The following SLC8A1 variants were observed in gnomAD, a reference collection of about 807,000 sequenced individuals.
The protein encoded by SLC8A1 is solute carrier family 8 member A1.
In SLC8A1, 18 loss-of-function variants were observed where a neutral mutation model predicts 68.3. The observed-to-expected ratio is 0.26, with a 90% CI of 0.18 to 0.39. The LOEUF (loss-of-function observed/expected upper bound fraction) is 0.39. Among genes scored for constraint, SLC8A1 ranks in the 10% least tolerant of loss-of-function variants. SLC8A1 has a pLI of 1.00. For synonymous variants in SLC8A1, 475 were observed against 415.5 expected (o/e 1.14, Z -1.74); for missense variants, 985 against 1,156.7 (o/e 0.85, Z 2.15).
At chr2:40,189,003 CAA>C (rs1407958326) in intron 2 of SLC8A1, among the ~76,000 whole-genome samples, 4 of 151,986 alleles carry the variant, frequency 2.6e-5, no homozygotes, top group African/African-American at 9.7e-5. Context: ...GATTAGGAGA[CAA>C]GAGAATAGGA....
chr2:40,146,484 A>C (rs2042482877), intron 6 of SLC8A1, among the ~76,000 whole-genome samples: 1 of 152,144 alleles, frequency 6.6e-6, no homozygotes, highest in South Asian at 2.1e-4. Context: ...GTTTTCTGGA[A>C]GACAATTTTG....
intron 2 of SLC8A1, among the ~76,000 whole-genome samples, chr2:40,403,127 T>A (rs1439485548): frequency 6.6e-6 from 1 of 152,210 alleles, no homozygotes; most frequent in Non-Finnish European, 1.5e-5. Flanking sequence ...TTAGATTAAA[T>A]TGGTATTTAA....
chr2:40,409,541 A>G (rs1026398138), intron 2 of SLC8A1, among the ~76,000 whole-genome samples: 5 of 152,194 alleles, frequency 3.3e-5, no homozygotes, highest in South Asian at 2.1e-4. Flanking sequence ...TATCAAGAGC[A>G]GGTATGCAGT....
intron 2 of SLC8A1, among the ~76,000 whole-genome samples, chr2:40,320,482 C>G (rs758457697): frequency 6.6e-6 from 1 of 152,026 alleles, no homozygotes; most frequent in South Asian, 2.1e-4. Context: ...TAACCCTAAA[C>G]AAATAAATGT....
chr2:40,497,415 A>G (rs1705780216), intron 1 of SLC8A1, among the ~76,000 whole-genome samples: 1 of 152,048 alleles, frequency 6.6e-6, no homozygotes, highest in South Asian at 2.1e-4. Flanking sequence ...ATGAGGAGAT[A>G]GAAAAATACA....
At chr2:40,316,625 C>T (rs1195768203) in intron 2 of SLC8A1, among the ~76,000 whole-genome samples, 2 of 151,972 alleles carry the variant, frequency 1.3e-5, no homozygotes, top group African/African-American at 2.4e-5. Context: ...GTCTACTGCC[C>T]TCCTGCAGAT....
At chr2:40,141,182 G>A (rs563809156) in intron 6 of SLC8A1, among the ~76,000 whole-genome samples, 5 of 152,262 alleles carry the variant, frequency 3.3e-5, no homozygotes, top group African/African-American at 4.8e-5. Flanking sequence ...CCTGAACCAC[G>A]TGACCTGAGA....
intron 2 of SLC8A1, among the ~76,000 whole-genome samples, chr2:40,204,104 G>C (rs1391053469): frequency 6.6e-6 from 1 of 151,892 alleles, no homozygotes; most frequent in Non-Finnish European, 1.5e-5. Flanking sequence ...GATGACATTT[G>C]AAAAATGCAC....
intron 2 of SLC8A1, among the ~76,000 whole-genome samples, chr2:40,200,593 A>AT (rs1458465878): frequency 2.0e-5 from 3 of 151,574 alleles, no homozygotes; most frequent in African/African-American, 4.8e-5. Context: ...CCCACTTACT[A>AT]TATCACCTCT....
At chr2:40,099,518 C>A (rs1011184253) in exon 8 of SLC8A1, 1 of 152,036 alleles carries the variant, frequency 6.6e-6, no homozygotes, top group Non-Finnish European at 1.5e-5. Context: ...AAGGTAACAT[C>A]TTTTTCTCTG....
At chr2:40,233,582 C>A (rs921983813) in intron 2 of SLC8A1, among the ~76,000 whole-genome samples, 8 of 139,198 alleles carry the variant, frequency 5.7e-5, no homozygotes, top group African/African-American at 1.6e-4. Flanking sequence ...TTTTCCTGTG[C>A]AGAAGCTCTT....
intron 2 of SLC8A1, among the ~76,000 whole-genome samples, chr2:40,183,558 T>C (rs2050043075): frequency 6.6e-6 from 1 of 152,156 alleles, no homozygotes; most frequent in South Asian, 2.1e-4. Flanking sequence ...TCACCTAAAG[T>C]GGGGGACTTG....
chr2:40,154,216 C>G (rs1287598077), intron 6 of SLC8A1, among the ~76,000 whole-genome samples: 1 of 150,644 alleles, frequency 6.6e-6, no homozygotes, highest in East Asian at 1.9e-4. Context: ...ATAATGCCTA[C>G]AAAGTACCAG....
chr2:40,191,099 CTT>C (rs935039911), intron 2 of SLC8A1, among the ~76,000 whole-genome samples: 14 of 152,148 alleles, frequency 9.2e-5, no homozygotes, highest in African/African-American at 3.1e-4. Flanking sequence ...TGAAATACTC[CTT>C]GAATGTCTAA....
At chr2:40,220,563 A>G (rs1420729034) in intron 2 of SLC8A1, among the ~76,000 whole-genome samples, 1 of 152,112 alleles carries the variant, frequency 6.6e-6, no homozygotes, top group Non-Finnish European at 1.5e-5. Context: ...TTTCCTGACA[A>G]AGCAGTCGTT....
chr2:40,377,550 T>A (rs532336510), intron 2 of SLC8A1, among the ~76,000 whole-genome samples: 1 of 152,298 alleles, frequency 6.6e-6, no homozygotes, highest in South Asian at 2.1e-4. Context: ...GTGCTTCAGA[T>A]GCCAACTCAC....
exon 8 of SLC8A1, chr2:40,102,604 G>T (rs142696212): frequency 6.6e-6 from 1 of 152,112 alleles, no homozygotes; most frequent in Non-Finnish European, 1.5e-5. Flanking sequence ...CGAGATGAGC[G>T]TGTGTGAATG....
chr2:40,193,877 G>T lies in SLC8A1; in HGVS notation c.1809-16022C>A, dbSNP rs148076668. On this transcript the variant is annotated intron_variant, in intron 2 of 7. Transcript: ENST00000406785. ...GCAGCATACTTTAAAGAAGTGTCTG[G>T]CCCCCTATCTCCAGTCTAGATCTGT... 8.8e-4 allele frequency among the ~76,000 whole-genome samples: 134 copies of T among 152,122 alleles called. 1 individual carries two copies. The highest frequency in any genetic ancestry group is 3.1e-3 in the African/African-American group (128 of 41,520).
At chr2:40,218,252 T>C (rs1185511426) in intron 2 of SLC8A1, among the ~76,000 whole-genome samples, 1 of 152,212 alleles carries the variant, frequency 6.6e-6, no homozygotes, top group Non-Finnish European at 1.5e-5. Flanking sequence ...AAATGTCCCA[T>C]TTCCTGTTGC....
Sources: gnomAD v4.1 joint callset for allele counts (sites outside exome capture counted in the v4.1 genomes callset) on GRCh38, gnomAD v4.1.1 for gene constraint, MANE v1.5 for transcripts, NCBI Gene and HGNC (gene_info 2026-07-23, HGNC 2026-07-21) for gene names.